TLCD4: variants seen among roughly 807,000 people sequenced by gnomAD.
The protein encoded by TLCD4 is TLC domain-containing protein 4.
TLCD4 carries 7 observed loss-of-function variants against 24.2 expected under a neutral mutation model. The ratio of observed to expected loss-of-function variants is 0.29; its 90% CI spans 0.16 to 0.54. The LOEUF is 0.54. Among genes scored for constraint, TLCD4 ranks in the 20% least tolerant of loss-of-function variants. TLCD4 has a pLI of 0.95. For missense variants in TLCD4, 259 were observed against 313.9 expected (o/e 0.82, Z 1.32); for synonymous variants, 103 against 106.4 (o/e 0.97, Z 0.20).
chr1:95,119,655 G>A (rs796754996), intron 1 of TLCD4, among the ~76,000 whole-genome samples: 7 of 152,146 alleles, frequency 4.6e-5, no homozygotes, highest in African/African-American at 1.7e-4. Context: ...GTCAAGCACA[G>A]CTGTCTTAAC....
chr1:95,149,117 G>T (rs1677425818), intron 3 of TLCD4, among the ~76,000 whole-genome samples: 1 of 152,092 alleles, frequency 6.6e-6, no homozygotes, highest in Non-Finnish European at 1.5e-5. Context: ...TATTGAGATA[G>T]GGTAGTCAAC....
At chr1:95,112,016 C>G in the TLCD4 span, among the ~76,000 whole-genome samples, 2 of 152,146 alleles carry the variant, frequency 1.3e-5, no homozygotes, top group Admixed American at 1.3e-4. Flanking sequence ...TTATTTTGGT[C>G]AAGGATGTCT....
the TLCD4 span, among the ~76,000 whole-genome samples, chr1:95,101,943 G>A: frequency 6.6e-6 from 1 of 152,154 alleles, no homozygotes; most frequent in Non-Finnish European, 1.5e-5. Flanking sequence ...AATGAGTAAA[G>A]AGTATGAACA....
intron 2 of TLCD4, among the ~76,000 whole-genome samples, chr1:95,146,573 G>C (rs923216332): frequency 4.6e-5 from 7 of 151,642 alleles, no homozygotes; most frequent in African/African-American, 1.7e-4. Flanking sequence ...TTTTATCTTG[G>C]GTAATATCTT....
chr1:95,112,560 G>A (rs1256497258), upstream of TLCD4, among the ~76,000 whole-genome samples: 1 of 152,150 alleles, frequency 6.6e-6, no homozygotes, highest in Non-Finnish European at 1.5e-5. Context: ...AGAGGAGTGG[G>A]AACTAGAAAG....
rs1251877344 is a variant in TLCD4, at chr1:95,193,444, G to A, written c.*1576G>A. 1 of 152,028 alleles carries A rather than the reference G, an allele frequency of 6.6e-6. No individual in the cohort carries two copies. The highest frequency in any genetic ancestry group is 2.1e-4 in the South Asian group (1 of 4,836). 9.4% of individuals were successfully genotyped at this position (152,028 alleles called of 1,614,324 possible). A position where few individuals can be genotyped will look rare whatever the true frequency, so the allele number is the denominator to read the frequency against. On this transcript the variant is annotated 3_prime_UTR_variant, in exon 7 of 7. Transcript: ENST00000370203. ...TTAATGATTATTCTTACCTGAGAAA[G>A]GAAGAAATTTAATTCTACCAGTGAT...
chr1:95,182,502 C>T (rs1266127429), intron 6 of TLCD4, among the ~76,000 whole-genome samples: 4 of 152,070 alleles, frequency 2.6e-5, no homozygotes, highest in African/African-American at 7.2e-5. Context: ...GCATTTCTAA[C>T]TGAAACTTTT....
At chr1:95,115,388 G>A (rs1024151707), upstream of TLCD4, among the ~76,000 whole-genome samples, 7 of 151,970 alleles carry the variant, frequency 4.6e-5, no homozygotes, top group Non-Finnish European at 5.9e-5. Flanking sequence ...GATTACAGGC[G>A]TGAGCCACTG....
rs945892738 is a variant in TLCD4, at chr1:95,192,737, T to G, written c.*869T>G. On this transcript the variant is annotated 3_prime_UTR_variant, in exon 7 of 7. Transcript: ENST00000370203. ...TATTAATGATGAAATATTTTACCAC[T>G]TTGGGAATATTTAATTAGTTTAGTC... 2.0e-4 allele frequency: 31 copies of G among 152,152 alleles called. No individual in the cohort carries two copies. Among genetic ancestry groups the G allele is most frequent in the African/African-American group, 7.0e-4 (29 of 41,440 alleles). The allele number at this position is 152,152 out of a possible 1,614,324, so 9.4% of individuals were successfully genotyped here.
intron 6 of TLCD4, among the ~76,000 whole-genome samples, chr1:95,187,893 G>A (rs907197912): frequency 2.0e-5 from 3 of 152,046 alleles, no homozygotes; most frequent in Admixed American, 2.0e-4. Flanking sequence ...CTTCTTGCAG[G>A]AGGCAACTTC....
At chr1:95,145,480 A>G (rs531216484) in intron 2 of TLCD4, among the ~76,000 whole-genome samples, 1 of 152,242 alleles carries the variant, frequency 6.6e-6, no homozygotes, top group East Asian at 1.9e-4. Flanking sequence ...AGCAAGAATT[A>G]TTTCTCCACA....
chr1:95,123,966 A>G (rs760018442), intron 1 of TLCD4, among the ~76,000 whole-genome samples: 2 of 152,182 alleles, frequency 1.3e-5, no homozygotes, highest in Non-Finnish European at 2.9e-5. Flanking sequence ...ATATTCTGCT[A>G]TTTAATTCCC....
At chr1:95,191,208 C>T (rs1679017330) in intron 6 of TLCD4, among the ~76,000 whole-genome samples, 1 of 152,100 alleles carries the variant, frequency 6.6e-6, no homozygotes, top group African/African-American at 2.4e-5. Flanking sequence ...TTTTGCACAC[C>T]TTGTTGAAAA....
the TLCD4 span, among the ~76,000 whole-genome samples, chr1:95,111,204 G>A: frequency 0.34 from 51,780 of 151,626 alleles, 10,390 homozygotes; most frequent in Middle Eastern, 0.45. Context: ...TGAGGTGGGA[G>A]GATTGCTTGA....
the TLCD4 span, among the ~76,000 whole-genome samples, chr1:95,101,007 A>C: frequency 6.6e-6 from 1 of 151,466 alleles, no homozygotes; most frequent in African/African-American, 2.4e-5. Context: ...TCCTGGGTTC[A>C]AGTGATTCTC....
chr1:95,141,083 T>C (rs1044790248), intron 1 of TLCD4, among the ~76,000 whole-genome samples: 7 of 152,228 alleles, frequency 4.6e-5, no homozygotes, highest in African/African-American at 1.7e-4. Flanking sequence ...CTTGAATATA[T>C]GGAGCTCTTT....
chr1:95,099,118 A>C, the TLCD4 span, among the ~76,000 whole-genome samples: 1 of 149,808 alleles, frequency 6.7e-6, no homozygotes, highest in Non-Finnish European at 1.5e-5. Context: ...CCTGACACAT[A>C]GTAAGTATTA....
intron 1 of TLCD4, among the ~76,000 whole-genome samples, chr1:95,119,716 C>T (rs1187953730): frequency 4.6e-5 from 7 of 150,726 alleles, no homozygotes; most frequent in Non-Finnish European, 8.9e-5. Context: ...GGAGGCCCAG[C>T]GTTCATGTTC....
the TLCD4 span, among the ~76,000 whole-genome samples, chr1:95,105,894 T>TAA: frequency 6.9e-5 from 8 of 115,378 alleles, no homozygotes; most frequent in South Asian, 2.9e-4. Flanking sequence ...GACTCCGTCT[T>TAA]AAAAAAAAAA....
Sources: gnomAD v4.1 joint callset for allele counts (sites outside exome capture counted in the v4.1 genomes callset) on GRCh38, gnomAD v4.1.1 for gene constraint, MANE v1.5 for transcripts, NCBI Gene and HGNC (gene_info 2026-07-23, HGNC 2026-07-21) for gene names.